The following SV2B variants were observed in gnomAD, a reference collection of about 807,000 sequenced individuals.
The protein encoded by SV2B is solute carrier family 22 member B2.
Under a neutral mutation model 73.9 loss-of-function variants are expected in SV2B, and 41 were observed. That is an observed-to-expected ratio of 0.56 (90% CI 0.43 to 0.72). SV2B has a LOEUF of 0.72. SV2B is among the 30% of genes least tolerant of loss of function. The pLI, the probability that SV2B is intolerant of heterozygous loss-of-function variation, is 0.00. For missense variants in SV2B, 764 were observed against 857.8 expected (o/e 0.89, Z 1.37); for synonymous variants, 314 against 314.2 (o/e 1.00, Z 0.01).
rs1049691737 is a variant in SV2B at position 91,140,584 on chromosome 15, G to A, written c.-392+40221G>A. 2.6e-5 allele frequency among the ~76,000 whole-genome samples: 4 copies of A among 152,290 alleles called. No individual in the cohort carries two copies. Among genetic ancestry groups the A allele is most frequent in the African/African-American group, 9.6e-5 (4 of 41,572 alleles). On this transcript the variant is annotated intron_variant, in intron 1 of 12. Coordinates refer to ENST00000394232, the MANE Select transcript of SV2B (RefSeq NM_001323032.3). This position sits in a 1 kb window ranked among gnomAD's most constrained non-coding sequence, Gnocchi z 4.4. ...TCTGCTTCCATTTAACCCGAGGCCT[G>A]AGGAGTAGCCCATTGCTCTCCTCTT...
intron 1 of SV2B, among the ~76,000 whole-genome samples, chr15:91,148,790 A>G (rs1264090542): frequency 6.6e-6 from 1 of 152,172 alleles, no homozygotes; most frequent in Non-Finnish European, 1.5e-5. Flanking sequence ...AAGGCAGAAG[A>G]CTGATGTCCC....
chr15:91,179,465 G>A (rs544641834), intron 1 of SV2B, among the ~76,000 whole-genome samples: 7 of 152,174 alleles, frequency 4.6e-5, no homozygotes, highest in Admixed American at 1.3e-4. Context: ...TTTCTGTCTC[G>A]TTGATCTGTC....
chr15:91,168,920 C>T (rs1313938090), intron 1 of SV2B, among the ~76,000 whole-genome samples: 1 of 152,188 alleles, frequency 6.6e-6, no homozygotes, highest in Non-Finnish European at 1.5e-5. Flanking sequence ...TTTGATATTA[C>T]AGTGAAACAC....
intron 4 of SV2B, among the ~76,000 whole-genome samples, chr15:91,256,396 A>C (rs2047691346): frequency 6.6e-6 from 1 of 152,236 alleles, no homozygotes; most frequent in African/African-American, 2.4e-5. Flanking sequence ...GCATATTATC[A>C]TAAAGAAAAA....
chr15:91,248,016 G>A (rs1321745168), intron 2 of SV2B, among the ~76,000 whole-genome samples: 1 of 152,130 alleles, frequency 6.6e-6, no homozygotes, highest in Non-Finnish European at 1.5e-5. Context: ...GAGCACCTGT[G>A]ATATTTTGAT....
In SV2B at chr15:91,297,022, G is replaced by GCACGCTCCTTCTGCCCGATCGTTGGGCA. The variant is rs1567036326; in HGVS notation, c.*4476_*4477insCCTTCTGCCCGATCGTTGGGCACACGCT. 3.4e-5 allele frequency: 5 copies of GCACGCTCCTTCTGCCCGATCGTTGGGCA among 146,446 alleles called. No individual in the cohort carries two copies. Among genetic ancestry groups the GCACGCTCCTTCTGCCCGATCGTTGGGCA allele is most frequent in the African/African-American group, 1.3e-4 (5 of 38,586 alleles). The allele number at this position is 146,446 out of a possible 1,614,324, so 9.1% of individuals were successfully genotyped here. A position where few individuals can be genotyped will look rare whatever the true frequency, so the allele number is the denominator to read the frequency against. On this transcript the variant is annotated 3_prime_UTR_variant, in exon 13 of 13. Transcript: ENST00000394232. The surrounding 1 kb of genome is among the most constrained non-coding windows in gnomAD (Gnocchi z 5.1). ...CGCTCCTTCTGCCCGATCGTTGGGCGCACGCTTCTTCTGCCTGATCGTTGG... is the reference window on the plus strand; with the variant it reads ...CGCTCCTTCTGCCCGATCGTTGGGCGCACGCTCCTTCTGCCCGATCGTTGGGCACACGCTTCTTCTGCCTGATCGTTGG...
chr15:91,143,537 A>G (rs1401169059), intron 1 of SV2B, among the ~76,000 whole-genome samples: 2 of 152,198 alleles, frequency 1.3e-5, no homozygotes, highest in Non-Finnish European at 2.9e-5. Context: ...ACATCATTCT[A>G]TCGATAGCAT....
chr15:91,158,175 T>A (rs1325801711), intron 1 of SV2B, among the ~76,000 whole-genome samples: 1 of 151,986 alleles, frequency 6.6e-6, no homozygotes, highest in African/African-American at 2.4e-5. Context: ...TAATGAGAGG[T>A]GTTTGGGTCA....
At chr15:91,256,538 G>A (rs1051592350) in intron 4 of SV2B, among the ~76,000 whole-genome samples, 11 of 152,148 alleles carry the variant, frequency 7.2e-5, no homozygotes, top group African/African-American at 2.7e-4. Context: ...GTTTTTGCAC[G>A]TGAGCTGAGA....
rs186073435 is a variant in SV2B, at chr15:91,105,297, C to T, written c.-392+4934C>T. The stretch of plus-strand genomic sequence containing the variant: ...GTTGGAGTGGGAGGGTAGGGTAAAA[C>T]GAAGTGTGGGTATTTTATGCAAGGT... On this transcript the variant is annotated intron_variant, in intron 1 of 12. Transcript: ENST00000394232. The surrounding 1 kb of genome is among the most constrained non-coding windows in gnomAD (Gnocchi z 5.5). Among the ~76,000 whole-genome samples, 2 of 152,068 alleles carry T rather than the reference C, an allele frequency of 1.3e-5. No homozygotes were observed. The highest frequency in any genetic ancestry group is 3.9e-4 in the East Asian group (2 of 5,172).
At chr15:91,158,916 T>C (rs2141243591) in intron 1 of SV2B, among the ~76,000 whole-genome samples, 1 of 151,818 alleles carries the variant, frequency 6.6e-6, no homozygotes, top group South Asian at 2.1e-4. Context: ...AGTTTGCCCT[T>C]TTGCAAATTT....
At chr15:91,246,849 C>A (rs1281271936) in intron 2 of SV2B, among the ~76,000 whole-genome samples, 1 of 152,106 alleles carries the variant, frequency 6.6e-6, no homozygotes, top group African/African-American at 2.4e-5. Context: ...AATATGCCAC[C>A]GAGCTTGTTG....
intron 2 of SV2B, among the ~76,000 whole-genome samples, chr15:91,248,249 A>G (rs956862575): frequency 2.0e-5 from 3 of 152,116 alleles, no homozygotes; most frequent in African/African-American, 7.2e-5. Context: ...TGAACCCGGG[A>G]GGCGGAGCTT....
In SV2B at chr15:91,300,236, G is replaced by T. The variant is rs1404349177; in HGVS notation, c.*7684G>T. The T allele has an allele frequency of 1.3e-5, 2 of 151,884 alleles. No homozygotes were observed. Among genetic ancestry groups the T allele is most frequent in the Non-Finnish European group, 2.9e-5 (2 of 68,024 alleles). The allele number at this position is 151,884 out of a possible 1,614,324, so 9.4% of individuals were successfully genotyped here. ...TGAATTTCAGGTTTCAAGGAAGGAG[G>T]AATATCTGACTATTTTTTTTTGTGT... On this transcript the variant is annotated 3_prime_UTR_variant, in exon 13 of 13. Transcript: ENST00000394232.
chr15:91,279,756 A>G (rs181146087), intron 9 of SV2B, among the ~76,000 whole-genome samples: 4 of 152,358 alleles, frequency 2.6e-5, no homozygotes, highest in Admixed American at 2.0e-4. Flanking sequence ...AGAGAAGGAT[A>G]TATTAAGAAA....
At chr15:91,274,427 A>G (rs924756586) in intron 9 of SV2B, among the ~76,000 whole-genome samples, 6 of 152,244 alleles carry the variant, frequency 3.9e-5, no homozygotes, top group Admixed American at 2.6e-4. Flanking sequence ...ACCAGCCTCT[A>G]TAACCAAGTG....
Position 91,241,732 on chromosome 15 carries a change from C to T in SV2B, c.452-10087C>T, listed in dbSNP as rs1195830054. Among the ~76,000 whole-genome samples the T allele has an allele frequency of 6.6e-6, 1 of 152,106 alleles. No individual in the cohort carries two copies. Among genetic ancestry groups the T allele is most frequent in the South Asian group, 2.1e-4 (1 of 4,816 alleles). On this transcript the variant is annotated intron_variant, in intron 2 of 12. Transcript: ENST00000394232. The surrounding 1 kb of genome is among the most constrained non-coding windows in gnomAD (Gnocchi z 4.8). The stretch of plus-strand genomic sequence containing the variant: ...GCTCACTGGTCTCCCTGTATCCCAT[C>T]CCCTCTCACCTCCCCAGAACATCAC...
In SV2B at chr15:91,118,910, A is replaced by G. The variant is rs916113596; in HGVS notation, c.-392+18547A>G. Among the ~76,000 whole-genome samples, 1 of 152,138 alleles carries G rather than the reference A, an allele frequency of 6.6e-6. No homozygotes were observed. Among genetic ancestry groups the G allele is most frequent in the Non-Finnish European group, 1.5e-5 (1 of 68,034 alleles). ...TCATCGGCTCTGTGTGGAGACTTGC[A>G]ATACTTTATATACTGGTGAATGAGC... On this transcript the variant is annotated intron_variant, in intron 1 of 12. Coordinates refer to ENST00000394232, the MANE Select transcript of SV2B (RefSeq NM_001323032.3). This position sits in a 1 kb window ranked among gnomAD's most constrained non-coding sequence, Gnocchi z 4.7.
At position 91,252,834 on chromosome 15, in the gene SV2B, C is replaced by G. The variant is rs1354784861; in HGVS notation, c.784+314C>G. On this transcript the variant is annotated intron_variant, in intron 4 of 12. Transcript: ENST00000394232. This position sits in a 1 kb window ranked among gnomAD's most constrained non-coding sequence, Gnocchi z 4.6. ...TAATTTCAACCTTCATCTCCTCCAG[C>G]CCTCCTCCCCCTGAGCAACTTGGGC... is the stretch of plus-strand genomic sequence containing the variant. Among the ~76,000 whole-genome samples, 1 of 152,066 alleles carries G rather than the reference C, an allele frequency of 6.6e-6. No homozygotes were observed. The highest frequency in any genetic ancestry group is 1.5e-5 in the Non-Finnish European group (1 of 68,018).
Sources: gnomAD v4.1 joint callset for allele counts (sites outside exome capture counted in the v4.1 genomes callset) on GRCh38, gnomAD v4.1.1 for gene constraint, Gnocchi (gnomAD v3.1) non-coding constraint, MANE v1.5 for transcripts, NCBI Gene and HGNC (gene_info 2026-07-23, HGNC 2026-07-21) for gene names.